Variants in SELENOF observed in about 807,000 individuals in gnomAD.
The protein encoded by SELENOF is selenoprotein F.
Under a neutral mutation model 20.5 loss-of-function variants are expected in SELENOF, and 16 were observed. The ratio of observed to expected loss-of-function variants is 0.78; its 90% CI spans 0.53 to 1.19. SELENOF has a LOEUF of 1.19. SELENOF is among the 50% of genes most tolerant of loss of function. The pLI, the probability that SELENOF is intolerant of heterozygous loss-of-function variation, is 0.00. For missense variants in SELENOF, 215 were observed against 194.2 expected (o/e 1.11, Z -0.64); for synonymous variants, 78 against 74.5 (o/e 1.05, Z -0.24).
Position 86,889,955 on chromosome 1 carries a change from C to T in SELENOF, c.253-9230G>A, listed in dbSNP as rs143875289. On this transcript the variant is annotated intron_variant, in intron 2 of 4. Coordinates refer to ENST00000331835, the MANE Select transcript of SELENOF (RefSeq NM_004261.5). ...ACTATTTTTCTGGCATAAGTATTCC[C>T]CTCCGCCTTATCAACTATTGTTCAC... is the stretch of plus-strand genomic sequence containing the variant. 3.7e-3 allele frequency among the ~76,000 whole-genome samples: 571 copies of T among 152,268 alleles called. 5 individuals are homozygous for T. The highest frequency in any genetic ancestry group is 0.012 in the African/African-American group (506 of 41,540).
intron 2 of SELENOF, among the ~76,000 whole-genome samples, chr1:86,895,818 A>G (rs1162806421): frequency 6.6e-6 from 1 of 152,364 alleles, no homozygotes; most frequent in African/African-American, 2.4e-5. Context: ...GTGTAAATGC[A>G]AAAGACTAAA....
At chr1:86,869,003 A>C (rs1658683494) in intron 3 of SELENOF, among the ~76,000 whole-genome samples, 3 of 152,346 alleles carry the variant, frequency 2.0e-5, no homozygotes, top group Middle Eastern at 3.4e-3. Flanking sequence ...CATTTGAAAT[A>C]AATGTTCAAC....
chr1:86,863,676 G>A, intron 4 of SELENOF, 71 bp from the exon 5 acceptor site: 3 of 1,379,014 alleles, frequency 2.2e-6, no homozygotes, highest in Non-Finnish European at 3.0e-6. Context: ...CTAAGACAAA[G>A]CAATTCAATC....
intron 3 of SELENOF, among the ~76,000 whole-genome samples, chr1:86,871,056 T>C (rs1259272013): frequency 2.0e-5 from 3 of 152,232 alleles, no homozygotes; most frequent in South Asian, 2.1e-4. Flanking sequence ...CATAGCTTCC[T>C]AATTTTGAAT....
At chr1:86,892,180 C>A (rs942692233) in intron 2 of SELENOF, among the ~76,000 whole-genome samples, 1 of 152,024 alleles carries the variant, frequency 6.6e-6, no homozygotes, top group African/African-American at 2.4e-5. Context: ...GATCCACCCC[C>A]CCGGCACGTT....
chr1:86,901,171 T>A (rs544706211), intron 2 of SELENOF, among the ~76,000 whole-genome samples: 1 of 152,334 alleles, frequency 6.6e-6, no homozygotes, highest in African/African-American at 2.4e-5. Context: ...ACAACTAAAT[T>A]AAACTGTGAT....
chr1:86,886,869 A>T (rs1214741617), intron 2 of SELENOF, among the ~76,000 whole-genome samples: 1 of 152,178 alleles, frequency 6.6e-6, no homozygotes, highest in Non-Finnish European at 1.5e-5. Flanking sequence ...GCACTGTATT[A>T]TTTAGATATT....
chr1:86,878,691 G>C (rs1253265320), intron 3 of SELENOF, among the ~76,000 whole-genome samples: 2 of 151,954 alleles, frequency 1.3e-5, no homozygotes, highest in African/African-American at 2.4e-5. Flanking sequence ...AAAAAAAAGA[G>C]AGAAAAGAAT....
intron 2 of SELENOF, among the ~76,000 whole-genome samples, chr1:86,891,971 C>T (rs1045446831): frequency 3.3e-5 from 5 of 151,194 alleles, no homozygotes; most frequent in African/African-American, 1.2e-4. Flanking sequence ...CGCTCTGTTG[C>T]CCAGGATGGA....
At chr1:86,885,813 A>C (rs1659200129) in intron 2 of SELENOF, among the ~76,000 whole-genome samples, 1 of 152,214 alleles carries the variant, frequency 6.6e-6, no homozygotes, top group Admixed American at 6.5e-5. Context: ...TGGGTAAGTC[A>C]TTCACTGAGC....
At chr1:86,877,692 G>A (rs1452417259) in intron 3 of SELENOF, among the ~76,000 whole-genome samples, 1 of 152,014 alleles carries the variant, frequency 6.6e-6, no homozygotes, top group Non-Finnish European at 1.5e-5. Context: ...TTTTGCGTCT[G>A]AACGTTTATG....
intron 4 of SELENOF, among the ~76,000 whole-genome samples, chr1:86,864,602 A>C (rs1250516166): frequency 6.6e-6 from 1 of 152,036 alleles, no homozygotes; most frequent in East Asian, 1.9e-4. Flanking sequence ...TAATGAATCA[A>C]TAATAACATT....
At chr1:86,905,198 A>AT (rs1659799415) in intron 1 of SELENOF, among the ~76,000 whole-genome samples, 2 of 152,230 alleles carry the variant, frequency 1.3e-5, no homozygotes, top group African/African-American at 4.8e-5. Flanking sequence ...ACCAATTAAT[A>AT]TATTTTTATA....
At chr1:86,896,464 A>T (rs1659529184) in intron 2 of SELENOF, among the ~76,000 whole-genome samples, 1 of 152,206 alleles carries the variant, frequency 6.6e-6, no homozygotes, top group African/African-American at 2.4e-5. Flanking sequence ...AAAATACTAC[A>T]CTTAATCTTA....
Position 86,880,175 on chromosome 1 carries a change from G to A in SELENOF, c.316+487C>T, listed in dbSNP as rs185511785. Among the ~76,000 whole-genome samples the A allele has an allele frequency of 5.1e-3, 767 of 149,930 alleles. 8 individuals are homozygous for A. Among genetic ancestry groups the A allele is most frequent in the African/African-American group, 0.017 (693 of 40,638 alleles). Reference sequence around the variant, plus strand: ...TTTTGAGACAGAGTCTCGTTCTGTCGCCCAGGCTGGAGTGCAGTGGCGTGA... The same window carrying A: ...TTTTGAGACAGAGTCTCGTTCTGTCACCCAGGCTGGAGTGCAGTGGCGTGA... On this transcript the variant is annotated intron_variant, in intron 3 of 4. Transcript: ENST00000331835.
chr1:86,908,156 A>G (rs1191971754), intron 1 of SELENOF, among the ~76,000 whole-genome samples: 3 of 152,178 alleles, frequency 2.0e-5, no homozygotes, highest in African/African-American at 4.8e-5. Flanking sequence ...ATCTAGCTAT[A>G]TATTTTGTTA....
At position 86,862,768 on chromosome 1, in the gene SELENOF, C is replaced by T. The variant is rs1169682151; in HGVS notation, c.*706G>A. On this transcript the variant is annotated 3_prime_UTR_variant, in exon 5 of 5. Coordinates refer to ENST00000331835, the MANE Select transcript of SELENOF (RefSeq NM_004261.5). ...TATATTTTGGTCTTACAAATGATCA[C>T]TTTTAAATGGACTTTTCTGTAAGAA... 6.6e-6 allele frequency: 1 copy of T among 152,212 alleles called. No individual in the cohort carries two copies. The highest frequency in any genetic ancestry group is 1.5e-5 in the Non-Finnish European group (1 of 68,026). 9.4% of individuals were successfully genotyped at this position (152,212 alleles called of 1,614,324 possible). A position where few individuals can be genotyped will look rare whatever the true frequency, so the allele number is the denominator to read the frequency against.
intron 2 of SELENOF, among the ~76,000 whole-genome samples, chr1:86,902,592 C>A (rs1217546049): frequency 2.6e-5 from 4 of 152,122 alleles, no homozygotes; most frequent in East Asian, 1.9e-4. Flanking sequence ...GGTATCTTAC[C>A]AATTTAGTTT....
chr1:86,898,697 T>A (rs1459126205), intron 2 of SELENOF, among the ~76,000 whole-genome samples: 1 of 151,446 alleles, frequency 6.6e-6, no homozygotes, highest in Non-Finnish European at 1.5e-5. Flanking sequence ...TTCTCCTGCC[T>A]CAGCCTCCCA....
Sources: gnomAD v4.1 joint callset for allele counts (sites outside exome capture counted in the v4.1 genomes callset) on GRCh38, gnomAD v4.1.1 for gene constraint, MANE v1.5 for transcripts, NCBI Gene and HGNC (gene_info 2026-07-23, HGNC 2026-07-21) for gene names.